The following PCDH11X variants were observed in gnomAD, a reference collection of about 807,000 sequenced individuals.
The protein encoded by PCDH11X is protocadherin-11 X-linked.
In PCDH11X, 18 loss-of-function variants were observed where a neutral mutation model predicts 53.3. That is an observed-to-expected ratio of 0.34 (90% CI 0.23 to 0.50). The LOEUF is 0.50. Among genes scored for constraint, PCDH11X ranks in the 20% least tolerant of loss-of-function variants. The pLI, the probability that PCDH11X is intolerant of heterozygous loss-of-function variation, is 0.98. For missense variants in PCDH11X, 570 were observed against 1,032.4 expected (o/e 0.55, Z 6.14); for synonymous variants, 279 against 393.3 (o/e 0.71, Z 3.44).
At chrX:92,531,219 T>C (rs2074548891) in intron 10 of PCDH11X, among the ~76,000 whole-genome samples, 1 of 111,003 alleles carries the variant, frequency 9.0e-6, no homozygotes, top group South Asian at 3.7e-4. Context: ...TAAGTAAAAC[T>C]CTGCAGTGTA....
intron 10 of PCDH11X, among the ~76,000 whole-genome samples, chrX:92,604,432 T>C (rs1247976670): frequency 9.1e-6 from 1 of 110,438 alleles, no homozygotes; most frequent in African/African-American, 3.3e-5. Context: ...ATAACACTCA[T>C]ACACACATAC....
At chrX:92,154,702 T>C (rs2065498261) in intron 6 of PCDH11X, among the ~76,000 whole-genome samples, 1 of 109,632 alleles carries the variant, frequency 9.1e-6, no homozygotes, top group Non-Finnish European at 1.9e-5. Flanking sequence ...GATGGCAAAA[T>C]AGCTCGCCCG....
intron 7 of PCDH11X, among the ~76,000 whole-genome samples, chrX:92,202,352 G>A (rs1398466326): frequency 9.0e-6 from 1 of 111,302 alleles, no homozygotes; most frequent in Non-Finnish European, 1.9e-5. Flanking sequence ...ACATGTTTGA[G>A]CTCACCCACC....
At chrX:92,573,735 C>T (rs1270541636) in intron 10 of PCDH11X, among the ~76,000 whole-genome samples, 1 of 107,988 alleles carries the variant, frequency 9.3e-6, no homozygotes, top group Non-Finnish European at 1.9e-5. Context: ...TTGTAAGATC[C>T]TAATGTAAAG....
intron 9 of PCDH11X, among the ~76,000 whole-genome samples, chrX:92,446,825 A>T (rs1298742330): frequency 9.0e-6 from 1 of 111,499 alleles, no homozygotes; most frequent in Non-Finnish European, 1.9e-5. Flanking sequence ...AGAAGATAGG[A>T]AAATGTGGGA....
intron 5 of PCDH11X, among the ~76,000 whole-genome samples, chrX:91,861,107 TG>T (rs1938640742): frequency 9.0e-6 from 1 of 111,490 alleles, no homozygotes. Context: ...CATCTGGTCC[TG>T]GGCTTTGTTT....
At chrX:92,210,579 G>A (rs1296813997) in intron 7 of PCDH11X, among the ~76,000 whole-genome samples, 2 of 111,146 alleles carry the variant, frequency 1.8e-5, no homozygotes, top group Non-Finnish European at 3.8e-5. Flanking sequence ...TGGCTGGGCT[G>A]CAAATTTTTC....
chrX:92,456,213 G>C (rs1411732837), intron 9 of PCDH11X, among the ~76,000 whole-genome samples: 3 of 111,361 alleles, frequency 2.7e-5, no homozygotes, highest in Non-Finnish European at 5.7e-5. Flanking sequence ...GGATAGGACT[G>C]GCTTATAGTT....
intron 6 of PCDH11X, among the ~76,000 whole-genome samples, chrX:92,012,169 G>T (rs2062703094): frequency 9.2e-6 from 1 of 108,930 alleles, no homozygotes; most frequent in South Asian, 3.9e-4. Flanking sequence ...TGAATACATA[G>T]AACAGATGTG....
At chrX:92,272,435 C>T (rs987777928) in intron 8 of PCDH11X, among the ~76,000 whole-genome samples, 6 of 111,835 alleles carry the variant, frequency 5.4e-5, no homozygotes, top group Non-Finnish European at 1.1e-4. Flanking sequence ...TATCAGGTGG[C>T]ATTTTACCAA....
chrX:92,505,205 A>C (rs1293832020), intron 10 of PCDH11X, among the ~76,000 whole-genome samples: 9 of 66,047 alleles, frequency 1.4e-4, no homozygotes, highest in Non-Finnish European at 2.3e-4. Context: ...AGTTTAATTA[A>C]GTCACACTTG....
chrX:92,034,747 T>C (rs2063104104), intron 6 of PCDH11X, among the ~76,000 whole-genome samples: 1 of 109,392 alleles, frequency 9.1e-6, no homozygotes, highest in Admixed American at 1.0e-4. Context: ...ATATTCAATG[T>C]AATTATTGAT....
intron 6 of PCDH11X, among the ~76,000 whole-genome samples, chrX:91,944,688 G>T (rs944821738): frequency 1.0e-4 from 11 of 109,630 alleles, no homozygotes; most frequent in African/African-American, 3.6e-4. Flanking sequence ...AATAGTCAAA[G>T]AATTATGTAT....
At chrX:92,473,771 T>G (rs2073318729) in intron 10 of PCDH11X, among the ~76,000 whole-genome samples, 1 of 111,501 alleles carries the variant, frequency 9.0e-6, no homozygotes, top group Non-Finnish European at 1.9e-5. Flanking sequence ...ATTCCTCTTG[T>G]AATTAATTTC....
chrX:92,177,494 G>T (rs1388271808), intron 6 of PCDH11X, among the ~76,000 whole-genome samples: 1 of 111,881 alleles, frequency 8.9e-6, no homozygotes, highest in Admixed American at 9.6e-5. Flanking sequence ...CCTTGAGATG[G>T]CCTGTTTCTT....
At chrX:92,176,866 GATTGGCACA>G (rs1603114302) in intron 6 of PCDH11X, among the ~76,000 whole-genome samples, 2 of 111,390 alleles carry the variant, frequency 1.8e-5, no homozygotes, top group Non-Finnish European at 3.8e-5. Context: ...CCTTAGAACA[GATTGGCACA>G]CTTTTTGCGG....
At chrX:92,041,286 AC>A (rs2063205284) in intron 6 of PCDH11X, among the ~76,000 whole-genome samples, 1 of 108,024 alleles carries the variant, frequency 9.3e-6, no homozygotes, top group African/African-American at 3.4e-5. Context: ...ATATTCATAT[AC>A]TTGACTACAA....
chrX:92,364,920 A>C (rs1378240563), intron 8 of PCDH11X, among the ~76,000 whole-genome samples: 1 of 81,960 alleles, frequency 1.2e-5, no homozygotes, highest in Non-Finnish European at 2.6e-5. Flanking sequence ...TCTACAAAAA[A>C]AAAAAAAAAA....
chrX:91,973,238 T>C (rs1302722589), intron 6 of PCDH11X, among the ~76,000 whole-genome samples: 1 of 86,234 alleles, frequency 1.2e-5, no homozygotes, highest in Non-Finnish European at 2.1e-5. Context: ...AATTGAACAA[T>C]GAGATCACAT....
Sources: allele counts gnomAD v4.1 joint callset (sites outside exome capture counted in the v4.1 genomes callset), GRCh38; gene constraint gnomAD v4.1.1; transcripts MANE v1.5; gene names NCBI Gene and HGNC (gene_info 2026-07-23, HGNC 2026-07-21).